The following LILRB5 variants were observed in gnomAD, a reference collection of about 807,000 sequenced individuals.
LILRB5 encodes the protein leukocyte immunoglobulin-like receptor subfamily B member 5.
Under a neutral mutation model 68.4 loss-of-function variants are expected in LILRB5, and 61 were observed. That is an observed-to-expected ratio of 0.89 (90% CI 0.73 to 1.10). The LOEUF is 1.10. Among genes scored for constraint, LILRB5 ranks in the 50% least tolerant of loss-of-function variants. The pLI is 0.00. For missense variants in LILRB5, 771 were observed against 751.6 expected, an observed-to-expected ratio of 1.03 and a Z score of -0.30; for synonymous variants, 356 against 315.8, an observed-to-expected ratio of 1.13 and a Z score of -1.35.
chr19:54,254,574 C>A, intron 6 of LILRB5, 159 bp from the exon 7 acceptor site: 2 of 1,229,334 alleles, frequency 1.6e-6, no homozygotes, highest in Non-Finnish European at 2.3e-6. Context: ...CTGGGGAGCC[C>A]CCGTTGTCCT....
In LILRB5 at chr19:54,255,322, A is replaced by G. The variant is rs760900284; in HGVS notation, c.916T>C (p.Ser306Pro). ...YGAHNLSPRWSAPSDPLDILI... is the reference protein window; with the variant it reads ...YGAHNLSPRWPAPSDPLDILI... ...ATGTCCAGGGGGTCGCTGGGGGCCGACCACCTAGGGGAGAGGTTGTGTGCA... is the reference window on the plus strand; with the variant it reads ...ATGTCCAGGGGGTCGCTGGGGGCCGGCCACCTAGGGGAGAGGTTGTGTGCA... The change falls in exon 5 of 13, where the codon TCG (serine) becomes CCG (proline). Residue 306 changes from serine to proline, a missense_variant. By Grantham distance (74) the Ser-to-Pro change is moderately conservative. Coordinates refer to ENST00000449561, the MANE Select transcript of LILRB5 (RefSeq NM_001081442.3). The G allele has an allele frequency of 9.9e-6, 16 of 1,613,508 alleles. No homozygotes were observed. Among genetic ancestry groups the G allele is most frequent in the Non-Finnish European group, 1.3e-5 (15 of 1,179,872 alleles).
In LILRB5 at chr19:54,256,182, G is replaced by A. The variant is rs775691966; in HGVS notation, c.516C>T (p.Pro172=). Residue 172 remains proline (P), a synonymous_variant, in exon 4 of 13, where the codon CCC becomes CCT. Transcript: ENST00000449561. ...LPRTLYSQKL[P]KGPSQALFPV... ...GGAACAGGGCCTGGGATGGCCCTTTGGGGAGCTTCTGTGAGTACAGGGTCC... is the reference window on the plus strand; with the variant it reads ...GGAACAGGGCCTGGGATGGCCCTTTAGGGAGCTTCTGTGAGTACAGGGTCC... 6.2e-7 allele frequency: 1 copy of A among 1,613,948 alleles called. No individual in the cohort carries two copies. Among genetic ancestry groups the A allele is most frequent in the Non-Finnish European group, 8.5e-7 (1 of 1,179,948 alleles).
intron 12 of LILRB5, chr19:54,251,665 C>T: frequency 1.6e-6 from 1 of 619,372 alleles, no homozygotes; most frequent in Non-Finnish European, 3.1e-6. Flanking sequence ...GCGGGGGCGG[C>T]TTTGCTCCCT....
In LILRB5 at chr19:54,253,517, G is replaced by A. The variant is rs941508024; in HGVS notation, c.1357+501C>T. 7.9e-5 allele frequency: 24 copies of A among 302,622 alleles called. No homozygotes were observed. In the East Asian group the frequency reaches 1.9e-3, roughly 23 times the overall value. The allele number at this position is 302,622 out of a possible 1,614,324, so 18.7% of individuals were successfully genotyped here. ...ATCTGGGAAGGGCTGAGGGTAGCAG[G>A]AGGACGGTGCCCCTGCCGAGCTGTG... On this transcript the variant is annotated intron_variant, in intron 8 of 12. Coordinates refer to ENST00000449561, the MANE Select transcript of LILRB5 (RefSeq NM_001081442.3).
chr19:54,253,578 G>A (rs115289626), intron 8 of LILRB5: 263 of 413,378 alleles, frequency 6.4e-4, no homozygotes, highest in African/African-American at 4.9e-3. Flanking sequence ...CTTACGCCTC[G>A]CAGCAGTTCT....
At chr19:54,252,320 G>A in intron 11 of LILRB5, 46 bp downstream of exon 11, 1 of 1,604,958 alleles carries the variant, frequency 6.2e-7, no homozygotes, top group Non-Finnish European at 8.5e-7. Context: ...AGAAACTTTG[G>A]TGCTCCCTTG....
Position 54,256,995 on chromosome 19 carries a change from C to A in LILRB5, c.36G>T (p.Gly12=). ...CGCAGGTCCTGGGGCCCACACTCAG[C>A]CCTGGAAGAGAGTTCCCTGTGAGGG... ...TLTLSVLICL[G]LSVGPRTCVQ... Residue 12 remains glycine (G), a splice_region_variant and synonymous_variant, in exon 2 of 13, where the codon GGG becomes GGT. Coordinates refer to ENST00000449561, the MANE Select transcript of LILRB5 (RefSeq NM_001081442.3). 1 of 1,614,206 alleles carries A rather than the reference C, an allele frequency of 6.2e-7. No homozygotes were observed. Among genetic ancestry groups the A allele is most frequent in the Non-Finnish European group, 8.5e-7 (1 of 1,180,030 alleles).
chr19:54,254,530 G>T, intron 6 of LILRB5, 115 bp from the exon 7 acceptor site: 1 of 1,348,216 alleles, frequency 7.4e-7, no homozygotes. Flanking sequence ...TTCACCATTT[G>T]CATCCCAGGA....
In LILRB5 at chr19:54,257,145, C is replaced by G. The variant is rs754685460; in HGVS notation, c.34+15G>C. 1.9e-6 allele frequency: 3 copies of G among 1,614,200 alleles called. No homozygotes were observed. In the South Asian group the frequency reaches 3.3e-5, roughly 18 times the overall value. On this transcript the variant is annotated intron_variant, in intron 1 of 12. Coordinates refer to ENST00000449561, the MANE Select transcript of LILRB5 (RefSeq NM_001081442.3). ...TCCAAGACGGGGACCTTCCTTCCCCCTCTTCAAACCTCACCGAGGCAAATC... is the reference window on the plus strand; with the variant it reads ...TCCAAGACGGGGACCTTCCTTCCCCGTCTTCAAACCTCACCGAGGCAAATC...
chr19:54,252,328 T>G, intron 11 of LILRB5, 38 bp downstream of exon 11: 1 of 1,609,802 alleles, frequency 6.2e-7, no homozygotes, highest in Non-Finnish European at 8.5e-7. Context: ...TGGTGCTCCC[T>G]TGCCCACCCC....
intron 1 of LILRB5, 29 bp downstream of exon 1, chr19:54,257,131 G>A (rs1438786423): frequency 1.4e-5 from 22 of 1,614,082 alleles, no homozygotes; most frequent in Non-Finnish European, 1.9e-5. Context: ...CCAAGACGGG[G>A]ACCTTCCTTC....
chr19:54,252,235 C>A, intron 11 of LILRB5, 129 bp from the exon 12 acceptor site: 1 of 1,439,248 alleles, frequency 6.9e-7, no homozygotes, highest in Non-Finnish European at 9.7e-7. Flanking sequence ...CCCTGAGGTC[C>A]CACAGTGTGG....
rs1232808950 is a variant in LILRB5, at chr19:54,255,516, G to A, written c.722C>T (p.Thr241Ile). Reference protein sequence around the residue: ...GSVVARGGSLTLQCRSDVGYD... With the variant: ...GSVVARGGSLILQCRSDVGYD... The stretch of plus-strand genomic sequence containing the variant: ...GCCGACATCAGAGCGACACTGCAGG[G>A]TCAGGCTGCCTCCGCGGGCCACGAC... Residue 241 changes from threonine to isoleucine, a missense_variant, in exon 5 of 13, where the codon ACC becomes ATC. Thr to Ile is a moderately conservative substitution (Grantham distance 89). Transcript: ENST00000449561. 1.9e-6 allele frequency: 3 copies of A among 1,614,058 alleles called. No individual in the cohort carries two copies. The South Asian group carries it at 3.3e-5, about 18-fold the overall frequency.
At chr19:54,256,882 C>G in intron 2 of LILRB5, 79 bp downstream of exon 2, 1 of 1,611,264 alleles carries the variant, frequency 6.2e-7, no homozygotes, top group Non-Finnish European at 8.5e-7. Context: ...GAACAGCTAT[C>G]TCCACCCCCA....
chr19:54,252,957 C>T lies in LILRB5; in HGVS notation c.1388G>A (p.Gly463Glu), dbSNP rs369467373. The change falls in exon 9 of 13, where the codon GGG (glycine) becomes GAG (glutamate). Residue 463 changes from glycine (G) to glutamate (E), a missense_variant. Physicochemically the swap from Gly to Glu is moderately conservative, Grantham distance 98. Transcript: ENST00000449561. ...GLGRHLGVVTGVSVAFVLLLF... is the reference protein window; with the variant it reads ...GLGRHLGVVTEVSVAFVLLLF... The stretch of plus-strand genomic sequence containing the variant: ...CAGCAGGACGAAGGCCACTGAGACC[C>T]CAGTCACAACCCCCAGGTGCCTTCC... 11 of 1,569,718 alleles carry T rather than the reference C, an allele frequency of 7.0e-6. No homozygotes were observed. Among genetic ancestry groups the T allele is most frequent in the Non-Finnish European group, 9.5e-6 (11 of 1,152,212 alleles).
At position 54,256,122 on chromosome 19, in the gene LILRB5, C is replaced by G. The variant is rs2079132811; in HGVS notation, c.576G>C (p.Arg192Ser). ...VGPVTPSCRW[R>S]FRCYYYYRKN... ...TCCTGTAATAGTAATAGCATCTGAA[C>G]CTCCACCTGCAGCTGGGGGTCACGG... The change falls in exon 4 of 13, where the codon AGG (arginine) becomes AGC (serine). Residue 192 changes from arginine (R) to serine (S), a missense_variant. Transcript: ENST00000449561. The G allele has an allele frequency of 6.2e-7, 1 of 1,608,244 alleles. No individual in the cohort carries two copies. The highest frequency in any genetic ancestry group is 1.7e-5 in the Admixed American group (1 of 58,620).
In LILRB5 at chr19:54,256,080, C is replaced by A; in HGVS notation, c.618G>T (p.Trp206Cys). The A allele has an allele frequency of 6.4e-7, 1 of 1,571,492 alleles. No homozygotes were observed. Among genetic ancestry groups the A allele is most frequent in the Non-Finnish European group, 8.6e-7 (1 of 1,160,838 alleles). ...YYYYRKNPQV[W>C]SNPSDLLEIL... ...TCTCCAGGAGGTCACTGGGGTTCGA[C>A]CACACCTGAGGGTTTTTCCTGTAAT... is the stretch of plus-strand genomic sequence containing the variant. Residue 206 changes from tryptophan to cysteine, a missense_variant, in exon 4 of 13, where the codon TGG (tryptophan) becomes TGT (cysteine). By Grantham distance (215) the Trp-to-Cys change is radical. Coordinates refer to ENST00000449561, the MANE Select transcript of LILRB5 (RefSeq NM_001081442.3).
At chr19:54,256,403 T>C in intron 3 of LILRB5, 61 bp from the exon 4 acceptor site, 1 of 1,591,240 alleles carries the variant, frequency 6.3e-7, no homozygotes, top group Admixed American at 1.7e-5. Context: ...TCCCCAGGGC[T>C]GGGCTGTGAG....
chr19:54,256,109 A>G lies in LILRB5; in HGVS notation c.589T>C (p.Tyr197His). ...PSCRWRFRCY[Y>H]YYRKNPQVWS... is the part of the protein sequence containing the mutation. The stretch of plus-strand genomic sequence containing the variant: ...ACCTGAGGGTTTTTCCTGTAATAGT[A>G]ATAGCATCTGAACCTCCACCTGCAG... The change falls in exon 4 of 13, where the codon TAC (tyrosine) becomes CAC (histidine). Residue 197 changes from tyrosine to histidine, a missense_variant. Coordinates refer to ENST00000449561, the MANE Select transcript of LILRB5 (RefSeq NM_001081442.3). 1 of 1,601,078 alleles carries G rather than the reference A, an allele frequency of 6.2e-7. No individual in the cohort carries two copies. The highest frequency in any genetic ancestry group is 8.5e-7 in the Non-Finnish European group (1 of 1,174,358).
Sources: allele counts gnomAD v4.1 joint callset, GRCh38; gene constraint gnomAD v4.1.1; transcripts MANE v1.5; gene names NCBI Gene and HGNC (gene_info 2026-07-23, HGNC 2026-07-21).